The following UACA variants were observed in gnomAD, a reference collection of about 807,000 sequenced individuals.
The protein encoded by UACA is nuclear membrane binding protein.
A neutral mutation model predicts 160.5 loss-of-function variants in UACA; 112 were observed. The observed-to-expected ratio is 0.70, with a 90% CI of 0.60 to 0.82. UACA has a LOEUF of 0.82. Ranked by LOEUF, UACA falls within the 40% of genes least tolerant of loss-of-function variation. UACA has a pLI of 0.00. For missense variants in UACA, 1,574 were observed against 1,614.6 expected (o/e 0.97, Z 0.43); for synonymous variants, 557 against 568.4 (o/e 0.98, Z 0.29).
intron 1 of UACA, among the ~76,000 whole-genome samples, chr15:70,712,828 A>C (rs1046730690): frequency 1.3e-5 from 2 of 152,354 alleles, no homozygotes; most frequent in Middle Eastern, 3.4e-3. Context: ...CTGGAAAAAA[A>C]TCTTCAATGT....
At chr15:70,703,367 G>A in intron 1 of UACA, 2 of 964,050 alleles carry the variant, frequency 2.1e-6, no homozygotes, top group Non-Finnish European at 2.7e-6. Flanking sequence ...ATTCTGCTAT[G>A]TACTTCCACA....
At chr15:70,666,640 G>T in intron 16 of UACA, 84 bp downstream of exon 16, 1 of 1,147,424 alleles carries the variant, frequency 8.7e-7, no homozygotes. Context: ...TAATACCTGT[G>T]TCTACTTTCC....
At chr15:70,689,317 T>G (rs1281005739) in intron 5 of UACA, among the ~76,000 whole-genome samples, 1 of 152,148 alleles carries the variant, frequency 6.6e-6, no homozygotes, top group East Asian at 1.9e-4. Context: ...TTATAGCAAC[T>G]TAGTTTCCAT....
At chr15:70,658,209 C>A (rs1265221183) in intron 18 of UACA, among the ~76,000 whole-genome samples, 1 of 152,162 alleles carries the variant, frequency 6.6e-6, no homozygotes, top group Non-Finnish European at 1.5e-5. Context: ...TCACAGAAAT[C>A]TTTCCCTTGA....
intron 1 of UACA, among the ~76,000 whole-genome samples, chr15:70,722,213 T>G (rs1378503668): frequency 2.0e-5 from 3 of 152,220 alleles, no homozygotes; most frequent in Admixed American, 2.0e-4. Context: ...AATGTCATTT[T>G]TATTATACAA....
chr15:70,736,271 T>A (rs773269250), intron 1 of UACA, among the ~76,000 whole-genome samples: 16 of 152,200 alleles, frequency 1.1e-4, no homozygotes, highest in Non-Finnish European at 1.9e-4. Flanking sequence ...TAATTTGAAT[T>A]TGGCACGAGT....
rs1222034205 is a variant in UACA at position 70,724,079 on chromosome 15, C to T, written c.79-24419G>A. On this transcript the variant is annotated intron_variant, in intron 1 of 18. Transcript: ENST00000322954. ...GTGTGTTAGCTTTCTAATCCTGTCT[C>T]CCCCCACTTTTCTGTCTACAAATTT... Among the ~76,000 whole-genome samples the T allele has an allele frequency of 1.3e-5, 2 of 152,146 alleles. 1 individual carries two copies. The highest frequency in any genetic ancestry group is 2.9e-5 in the Non-Finnish European group (2 of 68,012).
intron 9 of UACA, chr15:70,680,067 T>C (rs1356294427): frequency 6.8e-6 from 1 of 147,780 alleles, no homozygotes; most frequent in African/African-American, 2.5e-5. Flanking sequence ...GAAGGGGAAG[T>C]CACATTAATT....
chr15:70,685,860 C>T (rs1182498863), intron 7 of UACA, among the ~76,000 whole-genome samples: 1 of 151,966 alleles, frequency 6.6e-6, no homozygotes, highest in Non-Finnish European at 1.5e-5. Context: ...CTGCAACCTC[C>T]GCCTCCTGGG....
chr15:70,663,856 C>A (rs1264687473), intron 17 of UACA, among the ~76,000 whole-genome samples: 4 of 113,394 alleles, frequency 3.5e-5, no homozygotes, highest in Non-Finnish European at 6.6e-5. Context: ...ACATCACACA[C>A]TGGGGCCTGT....
intron 5 of UACA, among the ~76,000 whole-genome samples, chr15:70,688,704 T>C (rs1035830549): frequency 6.6e-6 from 1 of 152,122 alleles, no homozygotes; most frequent in African/African-American, 2.4e-5. Context: ...GCATAATAAA[T>C]TCCAGAGTTT....
chr15:70,760,306 G>C (rs925641819), intron 1 of UACA, among the ~76,000 whole-genome samples: 3 of 152,032 alleles, frequency 2.0e-5, no homozygotes, highest in African/African-American at 7.2e-5. Context: ...GAAAGGCCAA[G>C]ATATTACATA....
intron 1 of UACA, among the ~76,000 whole-genome samples, chr15:70,727,228 G>A (rs1324364932): frequency 4.6e-5 from 7 of 152,018 alleles, no homozygotes; most frequent in Non-Finnish European, 7.4e-5. Context: ...ACCTCCTTCC[G>A]CCCATTCCTC....
chr15:70,752,038 A>C (rs2030104688), intron 1 of UACA, among the ~76,000 whole-genome samples: 1 of 152,112 alleles, frequency 6.6e-6, no homozygotes, highest in Non-Finnish European at 1.5e-5. Flanking sequence ...GGAGTTCACG[A>C]CAGGCCTGAC....
chr15:70,724,218 A>G (rs1315428390), intron 1 of UACA, among the ~76,000 whole-genome samples: 1 of 152,214 alleles, frequency 6.6e-6, no homozygotes, highest in African/African-American at 2.4e-5. Context: ...TACTGCAATT[A>G]AAGAATTCTT....
intron 1 of UACA, among the ~76,000 whole-genome samples, chr15:70,741,743 A>C (rs1279208648): frequency 1.3e-5 from 2 of 152,246 alleles, no homozygotes; most frequent in African/African-American, 4.8e-5. Context: ...AGTTCATGCA[A>C]AAATGACTAC....
In UACA at chr15:70,703,191, G is replaced by A. The variant is rs772094572; in HGVS notation, c.79-3531C>T. On this transcript the variant is annotated intron_variant, in intron 1 of 18. Coordinates refer to ENST00000322954, the MANE Select transcript of UACA (RefSeq NM_018003.4). Reference sequence around the variant, plus strand: ...TTTTTTTGTGGTGGCTGTTGTTGTTGTTTTTTAACCATGTTCTCATTACCA... The same window carrying A: ...TTTTTTTGTGGTGGCTGTTGTTGTTATTTTTTAACCATGTTCTCATTACCA... 71 of 1,287,940 alleles carry A rather than the reference G, an allele frequency of 5.5e-5. No homozygotes were observed. In the South Asian group the frequency reaches 8.6e-4, roughly 16 times the overall value. The allele number at this position is 1,287,940 out of a possible 1,614,324, so 79.8% of individuals were successfully genotyped here.
At chr15:70,675,707 T>C (rs923832427) in intron 13 of UACA, among the ~76,000 whole-genome samples, 24 of 152,116 alleles carry the variant, frequency 1.6e-4, no homozygotes, top group Non-Finnish European at 2.9e-5. Flanking sequence ...AATGCACACA[T>C]AGTTTTTTAT....
chr15:70,669,305 C>G lies in UACA; in HGVS notation c.1379G>C (p.Arg460Pro). ...RTFCESAKQD[R>P]LKLQNELAHK... is the part of the protein sequence containing the mutation. ...TGCCAGTTCATTTTGGAGCTTCAGT[C>G]GGTCTTGTTTTGCTGACTCACAGAA... is the stretch of plus-strand genomic sequence containing the variant. The change falls in exon 16 of 19, where the codon CGA becomes CCA. Residue 460 changes from arginine to proline, a missense_variant. By Grantham distance (103) the Arg-to-Pro change is moderately radical. Transcript: ENST00000322954. 6.2e-7 allele frequency: 1 copy of G among 1,614,042 alleles called. No individual in the cohort carries two copies.
Sources: allele counts gnomAD v4.1 joint callset (sites outside exome capture counted in the v4.1 genomes callset), GRCh38; gene constraint gnomAD v4.1.1; transcripts MANE v1.5; gene names NCBI Gene and HGNC (gene_info 2026-07-23, HGNC 2026-07-21).